Variants in FARP2 observed in about 807,000 individuals in gnomAD.
FARP2 encodes FERM, ARH/RhoGEF and pleckstrin domain protein 2, also known as FERM, ARHGEF and pleckstrin domain-containing protein 2.
Under a neutral mutation model 130.5 loss-of-function variants are expected in FARP2, and 111 were observed. The observed-to-expected ratio is 0.85, with a 90% CI of 0.73 to 1.00. FARP2 has a LOEUF of 1.00. FARP2 is among the 50% of genes least tolerant of loss of function. FARP2 has a pLI of 0.00. For missense variants in FARP2, 1,385 were observed against 1,346.3 expected, an observed-to-expected ratio of 1.03 and a Z score of -0.45; for synonymous variants, 504 against 516.9, an observed-to-expected ratio of 0.98 and a Z score of 0.34.
chr2:241,378,027 A>G (rs767658368), intron 2 of FARP2, among the ~76,000 whole-genome samples: 2 of 151,972 alleles, frequency 1.3e-5, no homozygotes, highest in Non-Finnish European at 2.9e-5. Context: ...TTTTTTTCTG[A>G]CTTTTTTATT....
chr2:241,358,321 C>A (rs1197555872), intron 1 of FARP2, among the ~76,000 whole-genome samples: 1 of 152,038 alleles, frequency 6.6e-6, no homozygotes, highest in Non-Finnish European at 1.5e-5. Context: ...ACAAGCTAAC[C>A]CTGGATATTT....
Position 241,459,253 on chromosome 2 carries a change from A to C in FARP2, c.1587+2331A>C, listed in dbSNP as rs1429130535. ...ACCTCATGAACCAGTGTGCCCAGCC[A>C]GGCTGCAACAGGTTCTGGGGAGACC... On this transcript the variant is annotated intron_variant, in intron 14 of 26. Coordinates refer to ENST00000264042, the MANE Select transcript of FARP2 (RefSeq NM_014808.4). The surrounding 1 kb of genome is among the most constrained non-coding windows in gnomAD (Gnocchi z 5.3). Among the ~76,000 whole-genome samples the C allele has an allele frequency of 6.6e-6, 1 of 152,200 alleles. No homozygotes were observed. Among genetic ancestry groups the C allele is most frequent in the Non-Finnish European group, 1.5e-5 (1 of 68,022 alleles).
At position 241,456,734 on chromosome 2, in the gene FARP2, C is replaced by T. The variant is rs369985109; in HGVS notation, c.1412-13C>T. On this transcript the variant is annotated splice_polypyrimidine_tract_variant and intron_variant, in intron 13 of 26. Coordinates refer to ENST00000264042, the MANE Select transcript of FARP2 (RefSeq NM_014808.4). ...TCATTTCTCGCTCCATCCCCCTCCC[C>T]GTTCATTTCCAGGCCTTTCCACGAA... is the stretch of plus-strand genomic sequence containing the variant. 6.8e-5 allele frequency: 109 copies of T among 1,613,888 alleles called. No individual in the cohort carries two copies. Among genetic ancestry groups the T allele is most frequent in the Admixed American group, 1.2e-4 (7 of 60,006 alleles).
intron 1 of FARP2, among the ~76,000 whole-genome samples, chr2:241,356,836 A>G (rs1482597967): frequency 6.6e-6 from 1 of 152,230 alleles, no homozygotes; most frequent in Non-Finnish European, 1.5e-5. Context: ...ATGGGCCTGG[A>G]GGTGCCTGGT....
chr2:241,457,461 A>G (rs977701153), intron 14 of FARP2, among the ~76,000 whole-genome samples: 5 of 129,272 alleles, frequency 3.9e-5, no homozygotes, highest in Non-Finnish European at 8.4e-5. Context: ...GGGAGGGTAC[A>G]CTAGGGACCG....
At chr2:241,483,659 C>T (rs2064682031) in intron 20 of FARP2, 126 bp downstream of exon 20, 7 of 1,269,100 alleles carry the variant, frequency 5.5e-6, no homozygotes, top group Non-Finnish European at 7.8e-6. Context: ...AGGCTTTGGT[C>T]CAGGTGGGTA....
chr2:241,434,818 A>G, intron 10 of FARP2, 144 bp from the exon 11 acceptor site: 1 of 602,214 alleles, frequency 1.7e-6, no homozygotes. Flanking sequence ...CCTGGGCAAT[A>G]GAGCGAGACT....
In FARP2 at chr2:241,456,831, G is replaced by T. The variant is rs750432690; in HGVS notation, c.1496G>T (p.Gly499Val). Residue 499 changes from glycine (G) to valine (V), a missense_variant, in exon 14 of 27, where the codon GGC becomes GTC. Transcript: ENST00000264042. ...SLSPAFQVPLGPAEQGSSPLL... is the reference protein window; with the variant it reads ...SLSPAFQVPLVPAEQGSSPLL... ...AGCCCTGCATTTCAGGTGCCTTTGGGCCCAGCTGAACAGGGCTCATCCCCA... is the reference window on the plus strand; with the variant it reads ...AGCCCTGCATTTCAGGTGCCTTTGGTCCCAGCTGAACAGGGCTCATCCCCA... 4 of 1,614,022 alleles carry T rather than the reference G, an allele frequency of 2.5e-6. No homozygotes were observed. The South Asian group carries it at 4.4e-5, about 18-fold the overall frequency.
At chr2:241,432,475 G>A (rs2063118271) in intron 9 of FARP2, among the ~76,000 whole-genome samples, 1 of 152,218 alleles carries the variant, frequency 6.6e-6, no homozygotes, top group Non-Finnish European at 1.5e-5. Flanking sequence ...AGAACAAAGT[G>A]CTCAAAATGA....
At chr2:241,387,706 T>C (rs1575488710) in intron 2 of FARP2, among the ~76,000 whole-genome samples, 1 of 145,174 alleles carries the variant, frequency 6.9e-6, no homozygotes, top group African/African-American at 2.6e-5. Flanking sequence ...GGCAAGAGAA[T>C]GGCGTGAACC....
chr2:241,451,885 G>A (rs112358322), intron 13 of FARP2, among the ~76,000 whole-genome samples: 2,417 of 152,150 alleles, frequency 0.016, 42 homozygotes, highest in African/African-American at 0.042. Flanking sequence ...CTCCCGAGTA[G>A]CTAGAATTAC....
intron 19 of FARP2, among the ~76,000 whole-genome samples, chr2:241,476,604 G>A (rs1188408983): frequency 3.3e-5 from 5 of 152,148 alleles, no homozygotes; most frequent in East Asian, 3.8e-4. Context: ...CAGGAGAATC[G>A]CTTGAACCCG....
In FARP2 at chr2:241,455,944, T is replaced by C. The variant is rs190723429; in HGVS notation, c.1412-803T>C. On this transcript the variant is annotated intron_variant, in intron 13 of 26. Transcript: ENST00000264042. ...TTAGTAGAGATGGGGTTTCACCGTG[T>C]TAGCGAGGTAAAGTTATCTTTAAAA... 1.2e-4 allele frequency among the ~76,000 whole-genome samples: 19 copies of C among 152,148 alleles called. No individual in the cohort carries two copies. The East Asian group carries it at 1.7e-3, about 14-fold the overall frequency.
intron 24 of FARP2, chr2:241,492,722 C>T (rs1489517142): frequency 9.3e-6 from 5 of 538,600 alleles, no homozygotes; most frequent in Non-Finnish European, 1.7e-5. Context: ...ACTCACTTTA[C>T]TTGGTGCCTG....
At chr2:241,360,161 C>T (rs999900565) in intron 1 of FARP2, among the ~76,000 whole-genome samples, 3 of 152,106 alleles carry the variant, frequency 2.0e-5, no homozygotes, top group African/African-American at 7.2e-5. Context: ...CTTAGGAACT[C>T]CTGTATCCCT....
At chr2:241,418,135 G>A (rs1297614809) in intron 8 of FARP2, 26 bp downstream of exon 8, 4 of 1,613,836 alleles carry the variant, frequency 2.5e-6, no homozygotes, top group Non-Finnish European at 2.5e-6. Context: ...AGGGAGGGGT[G>A]AGAACAGGGC....
At chr2:241,398,269 C>G (rs905852937) in intron 2 of FARP2, among the ~76,000 whole-genome samples, 4 of 152,036 alleles carry the variant, frequency 2.6e-5, no homozygotes, top group African/African-American at 9.7e-5. Flanking sequence ...GAACAGGCTC[C>G]CTGTGCCTGT....
intron 1 of FARP2, among the ~76,000 whole-genome samples, chr2:241,366,101 A>AT (rs200678776): frequency 0.085 from 5,238 of 61,860 alleles, 363 homozygotes; most frequent in Admixed American, 0.26. Context: ...CTAAAAAAAA[A>AT]AAAATATATA....
intron 1 of FARP2, among the ~76,000 whole-genome samples, chr2:241,365,535 ACAT>A (rs1300641514): frequency 6.6e-6 from 1 of 152,246 alleles, no homozygotes; most frequent in Non-Finnish European, 1.5e-5. Flanking sequence ...GCATTTGATA[ACAT>A]CATACCTTAT....
Sources: gnomAD v4.1 joint callset for allele counts (sites outside exome capture counted in the v4.1 genomes callset) on GRCh38, gnomAD v4.1.1 for gene constraint, Gnocchi (gnomAD v3.1) non-coding constraint, MANE v1.5 for transcripts, NCBI Gene and HGNC (gene_info 2026-07-23, HGNC 2026-07-21) for gene names.